LYPLAL1: variants seen among roughly 807,000 people sequenced by gnomAD.
LYPLAL1 encodes lysophospholipase like 1, also known as lysophospholipase-like protein 1.
In LYPLAL1, 23 loss-of-function variants were observed where a neutral mutation model predicts 19.7. The observed-to-expected ratio is 1.17, with a 90% CI of 0.84 to 1.65. The LOEUF (loss-of-function observed/expected upper bound fraction) is 1.65, where lower values mean the gene tolerates loss of function less well. Ranked by LOEUF, LYPLAL1 falls within the 40% of genes most tolerant of loss-of-function variation. The pLI is 0.00. For missense variants in LYPLAL1, 355 were observed against 279.4 expected, an observed-to-expected ratio of 1.27 and a Z score of -1.93; for synonymous variants, 119 against 96.3, an observed-to-expected ratio of 1.24 and a Z score of -1.38.
chr1:219,250,375 C>T, the LYPLAL1 span, among the ~76,000 whole-genome samples: 1 of 151,938 alleles, frequency 6.6e-6, no homozygotes, highest in Non-Finnish European at 1.5e-5. Context: ...ATTCTTGAAG[C>T]GATGGCTCAA....
chr1:219,384,689 G>A, the LYPLAL1 span, among the ~76,000 whole-genome samples: 1 of 152,272 alleles, frequency 6.6e-6, no homozygotes, highest in East Asian at 1.9e-4. Context: ...GTTGTAAGGA[G>A]TTTAATAAAC....
the LYPLAL1 span, among the ~76,000 whole-genome samples, chr1:219,219,536 T>C: frequency 1.3e-5 from 2 of 152,220 alleles, no homozygotes; most frequent in East Asian, 1.9e-4. Flanking sequence ...AGTTCCCAGT[T>C]AGTTAAAACA....
At chr1:219,345,261 G>C in the LYPLAL1 span, among the ~76,000 whole-genome samples, 15 of 152,044 alleles carry the variant, frequency 9.9e-5, no homozygotes, top group Admixed American at 2.6e-4. Flanking sequence ...TTAATATCTT[G>C]TATTTTTCTC....
At chr1:219,410,393 G>C in the LYPLAL1 span, 1 of 152,198 alleles carries the variant, frequency 6.6e-6, no homozygotes, top group African/African-American at 2.4e-5. Flanking sequence ...GATTCTGCAC[G>C]CAGCACCTGT....
chr1:219,410,499 A>G, the LYPLAL1 span, among the ~76,000 whole-genome samples: 2 of 152,236 alleles, frequency 1.3e-5, no homozygotes, highest in Non-Finnish European at 1.5e-5. Context: ...GGCAGTCCTC[A>G]GAGCCCTCGC....
rs866119981 is a variant in LYPLAL1, at chr1:219,205,327, G to A, written c.362-5205G>A. Among the ~76,000 whole-genome samples, 102 of 139,550 alleles carry A rather than the reference G, an allele frequency of 7.3e-4. No individual in the cohort carries two copies. In the South Asian group the frequency reaches 0.011, roughly 15 times the overall value. The allele number at this position is 139,550 out of a possible 152,430, so 91.6% of individuals were successfully genotyped here. Reference sequence around the variant, plus strand: ...AGCCGAGATTGCGCCACTGCAGTCCGCAGTCCGGCCTGGGCGACAGAGCGA... The same window carrying A: ...AGCCGAGATTGCGCCACTGCAGTCCACAGTCCGGCCTGGGCGACAGAGCGA... On this transcript the variant is annotated intron_variant, in intron 3 of 4. Coordinates refer to ENST00000366928, the MANE Select transcript of LYPLAL1 (RefSeq NM_138794.5).
the LYPLAL1 span, among the ~76,000 whole-genome samples, chr1:219,394,995 G>A: frequency 1.6e-4 from 25 of 152,114 alleles, no homozygotes; most frequent in Non-Finnish European, 3.1e-4. Flanking sequence ...TGTTGTATAC[G>A]TACCATATTT....
At chr1:219,174,890 C>G in intron 1 of LYPLAL1, 1 of 985,396 alleles carries the variant, frequency 1.0e-6, no homozygotes, top group Non-Finnish European at 1.2e-6. Context: ...CATGGAAGAT[C>G]ACAAGACGGT....
At chr1:219,230,322 A>C in the LYPLAL1 span, among the ~76,000 whole-genome samples, 5 of 152,308 alleles carry the variant, frequency 3.3e-5, no homozygotes, top group East Asian at 9.7e-4. Context: ...CATATTGGCC[A>C]GGCTGATCTC....
chr1:219,190,339 T>G (rs1203011099), intron 2 of LYPLAL1, among the ~76,000 whole-genome samples: 1 of 151,506 alleles, frequency 6.6e-6, no homozygotes, highest in African/African-American at 2.4e-5. Context: ...GGTGTCTTCC[T>G]CCTTTCCTCC....
chr1:219,369,239 A>G, the LYPLAL1 span, among the ~76,000 whole-genome samples: 1 of 152,242 alleles, frequency 6.6e-6, no homozygotes, highest in South Asian at 2.1e-4. Context: ...GTAGAATTTT[A>G]CTAACACCCT....
the LYPLAL1 span, among the ~76,000 whole-genome samples, chr1:219,411,406 C>T: frequency 2.0e-5 from 3 of 152,056 alleles, no homozygotes; most frequent in Non-Finnish European, 2.9e-5. Context: ...TCTGGTGGGG[C>T]CTTGGAGAAC....
At chr1:219,442,918 T>C in the LYPLAL1 span, among the ~76,000 whole-genome samples, 2 of 152,304 alleles carry the variant, frequency 1.3e-5, no homozygotes, top group Admixed American at 1.3e-4. Context: ...ATAGGTCAGA[T>C]ATCTTACATC....
At chr1:219,182,780 T>C (rs1448162161) in intron 2 of LYPLAL1, among the ~76,000 whole-genome samples, 1 of 152,104 alleles carries the variant, frequency 6.6e-6, no homozygotes, top group Non-Finnish European at 1.5e-5. Context: ...CTATAAGGTA[T>C]ATTGAAGATA....
chr1:219,436,409 T>C, the LYPLAL1 span, among the ~76,000 whole-genome samples: 3 of 152,172 alleles, frequency 2.0e-5, no homozygotes, highest in African/African-American at 7.2e-5. Context: ...AACCTAAAAG[T>C]TCATTCTTTT....
the LYPLAL1 span, among the ~76,000 whole-genome samples, chr1:219,369,511 AT>A: frequency 6.6e-6 from 1 of 152,218 alleles, no homozygotes; most frequent in Non-Finnish European, 1.5e-5. Flanking sequence ...TGACCTTGTA[AT>A]CCGCCTGCCT....
the LYPLAL1 span, among the ~76,000 whole-genome samples, chr1:219,341,866 A>G: frequency 3.3e-5 from 5 of 152,152 alleles, no homozygotes; most frequent in Non-Finnish European, 5.9e-5. Flanking sequence ...AATCTGAACC[A>G]TGACAGTTTC....
the LYPLAL1 span, among the ~76,000 whole-genome samples, chr1:219,383,636 A>T: frequency 1.3e-5 from 2 of 152,242 alleles, no homozygotes; most frequent in Non-Finnish European, 2.9e-5. Context: ...TATTGAAACA[A>T]ATACAAGAAC....
At chr1:219,403,351 A>G in the LYPLAL1 span, among the ~76,000 whole-genome samples, 4 of 152,226 alleles carry the variant, frequency 2.6e-5, no homozygotes, top group Non-Finnish European at 5.9e-5. Flanking sequence ...ATTGCAGAAG[A>G]GGGCCTCTTC....
Sources: gnomAD v4.1 joint callset for allele counts (sites outside exome capture counted in the v4.1 genomes callset) on GRCh38, gnomAD v4.1.1 for gene constraint, MANE v1.5 for transcripts, NCBI Gene and HGNC (gene_info 2026-07-23, HGNC 2026-07-21) for gene names.